Variants in ANAPC7 observed in about 807,000 individuals in gnomAD.
The protein encoded by ANAPC7 is anaphase-promoting complex subunit 7.
ANAPC7 carries 25 observed loss-of-function variants against 63.3 expected under a neutral mutation model. The observed-to-expected ratio is 0.39, with a 90% CI of 0.29 to 0.55. The LOEUF is 0.55. Among genes scored for constraint, ANAPC7 ranks in the 20% least tolerant of loss-of-function variants. ANAPC7 has a pLI of 0.57. For synonymous variants in ANAPC7, 241 were observed against 251.7 expected, an observed-to-expected ratio of 0.96 and a Z score of 0.40; for missense variants, 516 against 691.7, an observed-to-expected ratio of 0.75 and a Z score of 2.85.
At chr12:110,375,578 A>G in intron 10 of ANAPC7, 1 of 780,440 alleles carries the variant, frequency 1.3e-6, no homozygotes, top group Non-Finnish European at 1.6e-6. Context: ...CGATCATTTA[A>G]TATCTAATAA....
At chr12:110,375,435 A>G in intron 10 of ANAPC7, 1 of 985,386 alleles carries the variant, frequency 1.0e-6, no homozygotes, top group African/African-American at 1.7e-5. Flanking sequence ...CCATAACCTT[A>G]CAGACACACA....
Position 110,381,873 on chromosome 12 carries a change from A to G in ANAPC7, c.1011T>C (p.Asn337=). ...CCTTAAGTAGCAGAGCTTGAACACT[A>G]TTACTGTTCAGCTGAATGGCCTTGG... The part of the protein sequence containing the change: ...LGAKAIQLNS[N]SVQALLLKGA... Residue 337 remains asparagine, a synonymous_variant, in exon 8 of 11, where the codon AAT becomes AAC. Coordinates refer to ENST00000455511, the MANE Select transcript of ANAPC7 (RefSeq NM_016238.3). The G allele has an allele frequency of 6.4e-7, 1 of 1,562,814 alleles. No homozygotes were observed. The highest frequency in any genetic ancestry group is 1.1e-5 in the South Asian group (1 of 90,114).
chr12:110,396,841 A>G (rs1161956567), intron 1 of ANAPC7, among the ~76,000 whole-genome samples: 1 of 151,872 alleles, frequency 6.6e-6, no homozygotes, highest in East Asian at 1.9e-4. Context: ...AGTCTGAGAT[A>G]TATCTATCCA....
In ANAPC7 at chr12:110,374,168, C is replaced by T. The variant is rs138053799; in HGVS notation, c.1674G>A (p.Gln558=). The T allele has an allele frequency of 3.7e-6, 6 of 1,612,800 alleles. No individual in the cohort carries two copies. The African/African-American group carries it at 8.0e-5, about 22-fold the overall frequency. ...SDSEAAQWAD[Q]EQWFGMQ is the part of the protein sequence containing the mutation. The stretch of plus-strand genomic sequence containing the variant: ...CTCACTGCATGCCGAACCACTGCTC[C>T]TGGTCAGCCCACTGGGCCGCCTCAC... The change falls in exon 11 of 11, where the codon CAG becomes CAA. Residue 558 remains glutamine, a synonymous_variant. Coordinates refer to ENST00000455511, the MANE Select transcript of ANAPC7 (RefSeq NM_016238.3).
In ANAPC7 at chr12:110,374,104, G is replaced by C; in HGVS notation, c.*40C>G. ...TTCCTTCAGTCCACGGAAGTGCTCA[G>C]AGCAGGGCAGGCCACTGCGGCCATG... On this transcript the variant is annotated 3_prime_UTR_variant, in exon 11 of 11. Coordinates refer to ENST00000455511, the MANE Select transcript of ANAPC7 (RefSeq NM_016238.3). The C allele has an allele frequency of 1.3e-6, 2 of 1,576,086 alleles. 1 individual carries two copies. The highest frequency in any genetic ancestry group is 2.3e-5 in the South Asian group (2 of 85,832).
chr12:110,391,740 A>T (rs775948214), intron 3 of ANAPC7, among the ~76,000 whole-genome samples: 11 of 152,204 alleles, frequency 7.2e-5, no homozygotes, highest in Non-Finnish European at 1.5e-4. Flanking sequence ...GGTCATTATG[A>T]AGGAGATTAT....
intron 6 of ANAPC7, among the ~76,000 whole-genome samples, chr12:110,383,923 C>T (rs1018583667): frequency 6.8e-6 from 1 of 147,986 alleles, no homozygotes; most frequent in Non-Finnish European, 1.5e-5. Context: ...AAAAGAAGGG[C>T]CAGGCGCGGT....
chr12:110,382,482 ATATATATATATATT>A (rs1290220938), intron 7 of ANAPC7, among the ~76,000 whole-genome samples: 2 of 131,522 alleles, frequency 1.5e-5, no homozygotes, highest in African/African-American at 5.8e-5. Context: ...ATATATATAT[ATATATATATATATT>A]TATAGAGACA....
rs1881870881 is a variant in ANAPC7, at chr12:110,381,816, T to C, written c.1068A>G (p.Gln356=). Residue 356 remains glutamine, a synonymous_variant, in exon 8 of 11, where the codon CAA becomes CAG. Transcript: ENST00000455511. ...GAALRNMGRV[Q]EAIIHFREAI... ...CCTCCCGAAAGTGGATTATTGCTTC[T>C]TGGACTCTGCCCATGTTCCTAAGTG... is the stretch of plus-strand genomic sequence containing the variant. 2 of 1,614,102 alleles carry C rather than the reference T, an allele frequency of 1.2e-6. No homozygotes were observed. The highest frequency in any genetic ancestry group is 1.7e-6 in the Non-Finnish European group (2 of 1,180,038).
intron 1 of ANAPC7, among the ~76,000 whole-genome samples, chr12:110,400,138 CTTAAG>C (rs1339039304): frequency 6.6e-6 from 1 of 152,086 alleles, no homozygotes; most frequent in Non-Finnish European, 1.5e-5. Context: ...GTCTAGATGA[CTTAAG>C]TTCTCTTCAA....
Position 110,387,821 on chromosome 12 carries a change from T to A in ANAPC7, c.592A>T (p.Asn198Tyr), listed in dbSNP as rs150897727. The A allele has an allele frequency of 1.9e-5, 30 of 1,614,058 alleles. 1 individual carries two copies. In the African/African-American group the frequency reaches 3.9e-4, roughly 21 times the overall value. The change falls in exon 5 of 11, where the codon AAC becomes TAC. Residue 198 changes from asparagine to tyrosine, a missense_variant. By Grantham distance (143) the Asn-to-Tyr change is moderately radical (BLOSUM62 -2). Transcript: ENST00000455511. The part of the protein sequence containing the change: ...MTMNVIQTVP[N>Y]LDWLSVWIKA... The stretch of plus-strand genomic sequence containing the variant: ...ATCCACACAGAGAGCCAGTCCAAGT[T>A]AGGCACGGTTTGGATCACATTCATT...
rs942315118 is a variant in ANAPC7, at chr12:110,375,129, T to C, written c.1509-796A>G. Reference sequence around the variant, plus strand: ...CCCATGTTGGCACCGTTTCTACCGATATAAATGCGGACCGATCTGTAACAT... The same window carrying C: ...CCCATGTTGGCACCGTTTCTACCGACATAAATGCGGACCGATCTGTAACAT... On this transcript the variant is annotated intron_variant, in intron 10 of 10. Coordinates refer to ENST00000455511, the MANE Select transcript of ANAPC7 (RefSeq NM_016238.3). 5.1e-4 allele frequency among the ~76,000 whole-genome samples: 78 copies of C among 152,214 alleles called. 4 individuals are homozygous for C. The highest frequency in any genetic ancestry group is 5.9e-5 in the Non-Finnish European group (4 of 68,044).
At position 110,387,803 on chromosome 12, in the gene ANAPC7, C is replaced by G. The variant is rs771053134; in HGVS notation, c.610G>C (p.Val204Leu). Reference sequence around the variant, plus strand: ...ACAAAAGCATACGCTTTGATCCACACAGAGAGCCAGTCCAAGTTAGGCACG... The same window carrying G: ...ACAAAAGCATACGCTTTGATCCACAGAGAGAGCCAGTCCAAGTTAGGCACG... ...QTVPNLDWLS[V>L]WIKAYAFVHT... The change falls in exon 5 of 11, where the codon GTG becomes CTG. Residue 204 changes from valine (V) to leucine (L), a missense_variant. This residue lies in a region of ANAPC7 where 199 missense variants were observed against 249.3 expected (regional missense o/e 0.80). Coordinates refer to ENST00000455511, the MANE Select transcript of ANAPC7 (RefSeq NM_016238.3). 9.3e-6 allele frequency: 15 copies of G among 1,614,090 alleles called. No individual in the cohort carries two copies. The highest frequency in any genetic ancestry group is 1.3e-5 in the Non-Finnish European group (15 of 1,180,046).
chr12:110,389,099 AAAAG>A (rs1212375451), intron 3 of ANAPC7, among the ~76,000 whole-genome samples: 1 of 144,638 alleles, frequency 6.9e-6, no homozygotes, highest in Non-Finnish European at 1.5e-5. Flanking sequence ...AAAAAAAAAA[AAAAG>A]AAAAGAAAAG....
chr12:110,380,462 C>A (rs1456761672), intron 8 of ANAPC7, among the ~76,000 whole-genome samples: 1 of 151,552 alleles, frequency 6.6e-6, no homozygotes, highest in Non-Finnish European at 1.5e-5. Flanking sequence ...ACCAGCCTGG[C>A]CAACATGGTG....
At chr12:110,384,676 A>AAAAAAAAAAC (rs1175150542) in intron 6 of ANAPC7, among the ~76,000 whole-genome samples, 1 of 114,328 alleles carries the variant, frequency 8.7e-6, no homozygotes, top group Admixed American at 8.0e-5. Context: ...TCTGTCTCAC[A>AAAAAAAAAAC]AAAAAAAAAC....
intron 7 of ANAPC7, among the ~76,000 whole-genome samples, chr12:110,382,623 G>A (rs951563002): frequency 6.6e-6 from 1 of 151,212 alleles, no homozygotes; most frequent in African/African-American, 2.4e-5. Flanking sequence ...CACCTGGAGT[G>A]CAGTGGCACG....
chr12:110,388,404 C>G (rs28580853), intron 4 of ANAPC7, 108 bp downstream of exon 4: 115,948 of 772,760 alleles, frequency 0.15, 11,078 homozygotes, highest in African/African-American at 0.39. Flanking sequence ...TCACTCTCTT[C>G]AGGGGAACTT....
intron 5 of ANAPC7, chr12:110,387,383 C>G (rs56750920): frequency 0.052 from 709 of 13,562 alleles, 13 homozygotes; most frequent in Admixed American, 0.08. Flanking sequence ...GAGAGAGAGA[C>G]AGAGAGAGAG....
Sources: gnomAD v4.1 joint callset for allele counts (sites outside exome capture counted in the v4.1 genomes callset) on GRCh38, gnomAD v4.1.1 for gene constraint, gnomAD v4.1.1 regional missense constraint, MANE v1.5 for transcripts, NCBI Gene and HGNC (gene_info 2026-07-23, HGNC 2026-07-21) for gene names.